Variants in CCDC175 observed in about 807,000 individuals in gnomAD.
CCDC175 encodes the protein coiled-coil domain-containing protein 175.
Under a neutral mutation model 114.6 loss-of-function variants are expected in CCDC175, and 100 were observed. The ratio of observed to expected loss-of-function variants is 0.87; its 90% CI spans 0.74 to 1.03. The LOEUF is 1.03. Among genes scored for constraint, CCDC175 ranks in the 50% least tolerant of loss-of-function variants. CCDC175 has a pLI of 0.00. For missense variants in CCDC175, 880 were observed against 917.8 expected, an observed-to-expected ratio of 0.96 and a Z score of 0.53; for synonymous variants, 306 against 308.7, an observed-to-expected ratio of 0.99 and a Z score of 0.09.
chr14:59,521,052 TTG>T (rs1893401684), intron 17 of CCDC175, among the ~76,000 whole-genome samples: 1 of 152,324 alleles, frequency 6.6e-6, no homozygotes, highest in East Asian at 1.9e-4. Flanking sequence ...TATTGTCAAC[TTG>T]ACTGGATTGA....
chr14:59,514,623 A>G (rs1479600369), intron 17 of CCDC175, among the ~76,000 whole-genome samples: 4 of 152,310 alleles, frequency 2.6e-5, no homozygotes, highest in African/African-American at 2.4e-5. Context: ...AGAAAAAAGA[A>G]TAAAAAGAAA....
chr14:59,505,431 T>C (rs1408261496), intron 19 of CCDC175, 116 bp from the exon 20 acceptor site: 1 of 411,102 alleles, frequency 2.4e-6, no homozygotes, highest in African/African-American at 3.5e-5. Flanking sequence ...AGTAATTGTA[T>C]AATCGGGGTA....
At chr14:59,572,563 G>A (rs1035002041) in intron 3 of CCDC175, 139 bp downstream of exon 3, 10 of 457,500 alleles carry the variant, frequency 2.2e-5, no homozygotes, top group African/African-American at 6.1e-5. Context: ...AAATTATTAC[G>A]GACCTTACTG....
In CCDC175 at chr14:59,552,567, C is replaced by A. The variant is rs916253583; in HGVS notation, c.954-1131G>T. 4.6e-5 allele frequency among the ~76,000 whole-genome samples: 7 copies of A among 152,274 alleles called. No homozygotes were observed. In the South Asian group the frequency reaches 6.2e-4, roughly 14 times the overall value. On this transcript the variant is annotated intron_variant, in intron 7 of 19. Transcript: ENST00000537690. The stretch of plus-strand genomic sequence containing the variant: ...ATTCTAAAAATCAGAGCACCTCCCC[C>A]CCTCCAAAAGAACACAGCTCCTCAC...
At chr14:59,511,535 T>C (rs7152501) in intron 18 of CCDC175, among the ~76,000 whole-genome samples, 131,488 of 135,428 alleles carry the variant, frequency 0.97, 63,987 homozygotes, top group East Asian at 1. Flanking sequence ...TAAGATTTCA[T>C]AGTGATATTT....
At chr14:59,522,501 C>T (rs1369581003) in intron 16 of CCDC175, among the ~76,000 whole-genome samples, 1 of 152,106 alleles carries the variant, frequency 6.6e-6, no homozygotes, top group Non-Finnish European at 1.5e-5. Flanking sequence ...ACATTCTTGC[C>T]CCTCTTTGAC....
Position 59,510,782 on chromosome 14 carries a change from G to C in CCDC175, c.2169C>G (p.Thr723=). The C allele has an allele frequency of 6.5e-7, 1 of 1,537,096 alleles. No homozygotes were observed. Among genetic ancestry groups the C allele is most frequent in the South Asian group, 1.2e-5 (1 of 84,030 alleles). The part of the protein sequence containing the change: ...VKILVDNGEE[T]LQDINNLTDK... The stretch of plus-strand genomic sequence containing the variant: ...CTGTTAGATTGTTTATGTCTTGCAA[G>C]GTCTCTTCACCATTGTCCACCAAGA... The change falls in exon 19 of 20, where the codon ACC becomes ACG. Residue 723 remains threonine, a synonymous_variant. Coordinates refer to ENST00000537690, the MANE Select transcript of CCDC175 (RefSeq NM_001164399.2).
rs17834184 is a variant in CCDC175, at chr14:59,527,137, A to C, written c.1800T>G (p.Ile600Met). Residue 600 changes from isoleucine to methionine, a missense_variant, in exon 15 of 20, where the codon ATT becomes ATG. Physicochemically the swap from Ile to Met is conservative, Grantham distance 10. Transcript: ENST00000537690. ...TTGAAAAGTCCCTTGTAAACAGAAA[A>C]ATGTGATTGTTCAGTAAATCTTCCT... ...RQEEDLLNNH[I>M]FLFTRDFSRY... The C allele has an allele frequency of 6.7e-7, 1 of 1,496,200 alleles. No individual in the cohort carries two copies. Among genetic ancestry groups the C allele is most frequent in the Non-Finnish European group, 8.9e-7 (1 of 1,127,708 alleles). The allele number at this position is 1,496,200 out of a possible 1,614,324, so 92.7% of individuals were successfully genotyped here. A position where few individuals can be genotyped will look rare whatever the true frequency, so the allele number is the denominator to read the frequency against.
chr14:59,522,359 C>T (rs1303263393), intron 16 of CCDC175, among the ~76,000 whole-genome samples: 1 of 152,168 alleles, frequency 6.6e-6, no homozygotes, highest in Non-Finnish European at 1.5e-5. Context: ...GGGACTGTTA[C>T]GTAGACTGTT....
chr14:59,553,927 T>C (rs1038713284), intron 7 of CCDC175, among the ~76,000 whole-genome samples: 3 of 152,188 alleles, frequency 2.0e-5, no homozygotes, highest in African/African-American at 7.2e-5. Flanking sequence ...ATCCTAAATA[T>C]ATATGCACCC....
intron 15 of CCDC175, among the ~76,000 whole-genome samples, 155 bp from the exon 16 acceptor site, chr14:59,525,589 C>G (rs1227472540): frequency 2.0e-5 from 3 of 151,994 alleles, no homozygotes; most frequent in Non-Finnish European, 4.4e-5. Flanking sequence ...ACCTATCAAC[C>G]CCACATTTAT....
intron 3 of CCDC175, among the ~76,000 whole-genome samples, chr14:59,568,812 T>C (rs11626597): frequency 0.024 from 3,622 of 152,304 alleles, 113 homozygotes; most frequent in African/African-American, 0.073. Context: ...CACTGATAGA[T>C]AGTCCTGAGA....
At chr14:59,506,383 G>A (rs1251194165) in intron 19 of CCDC175, among the ~76,000 whole-genome samples, 1 of 151,362 alleles carries the variant, frequency 6.6e-6, no homozygotes, top group Non-Finnish European at 1.5e-5. Flanking sequence ...CACCTCCTGG[G>A]TTCAAGTGAT....
chr14:59,572,905 C>G lies in CCDC175; in HGVS notation c.244-92G>C, dbSNP rs554923449. The G allele has an allele frequency of 2.4e-5, 16 of 653,728 alleles. No individual in the cohort carries two copies. In the South Asian group the frequency reaches 3.7e-4, roughly 15 times the overall value. 40.5% of individuals were successfully genotyped at this position (653,728 alleles called of 1,614,324 possible). On this transcript the variant is annotated intron_variant, in intron 2 of 19. Coordinates refer to ENST00000537690, the MANE Select transcript of CCDC175 (RefSeq NM_001164399.2). ...ATGCCCTACAAATGTTTTCAGGGGT[C>G]AAAATATAATTTCACTAAATATCTT...
At chr14:59,561,470 A>G (rs1354157933) in intron 6 of CCDC175, among the ~76,000 whole-genome samples, 1 of 152,230 alleles carries the variant, frequency 6.6e-6, no homozygotes, top group African/African-American at 2.4e-5. Context: ...AGCAGTGAGA[A>G]TGTGAAAACT....
At chr14:59,506,176 CTA>C (rs1432821826) in intron 19 of CCDC175, among the ~76,000 whole-genome samples, 1 of 151,658 alleles carries the variant, frequency 6.6e-6, no homozygotes, top group Non-Finnish European at 1.5e-5. Context: ...GTTTGCGAGA[CTA>C]TTGCACATTG....
chr14:59,537,990 C>T, intron 13 of CCDC175, 33 bp downstream of exon 13: 1 of 1,454,870 alleles, frequency 6.9e-7, no homozygotes. Flanking sequence ...TGTAGTCATC[C>T]AAAAGTATTC....
intron 4 of CCDC175, among the ~76,000 whole-genome samples, chr14:59,566,525 T>C (rs1289800104): frequency 6.6e-6 from 1 of 152,126 alleles, no homozygotes. Flanking sequence ...GGTCAGATAA[T>C]GGGTGCTTTG....
intron 13 of CCDC175, 136 bp from the exon 14 acceptor site, chr14:59,532,046 T>A (rs1207633345): frequency 3.5e-6 from 2 of 568,796 alleles, no homozygotes; most frequent in Non-Finnish European, 6.1e-6. Context: ...TAGAAAGACA[T>A]ATGGCATATA....
Sources: allele counts gnomAD v4.1 joint callset (sites outside exome capture counted in the v4.1 genomes callset), GRCh38; gene constraint gnomAD v4.1.1; transcripts MANE v1.5; gene names NCBI Gene and HGNC (gene_info 2026-07-23, HGNC 2026-07-21).